The following SGCD variants were observed in gnomAD, a reference collection of about 807,000 sequenced individuals.
SGCD encodes the protein delta-sarcoglycan.
Under a neutral mutation model 36.6 loss-of-function variants are expected in SGCD, and 18 were observed. That is an observed-to-expected ratio of 0.49 (90% CI 0.34 to 0.73). The LOEUF (loss-of-function observed/expected upper bound fraction) is 0.73. Among genes scored for constraint, SGCD ranks in the 30% least tolerant of loss-of-function variants. The pLI is 0.01. For synonymous variants in SGCD, 133 were observed against 130.6 expected (o/e 1.02, Z -0.12); for missense variants, 387 against 346.7 (o/e 1.12, Z -0.92).
At chr5:155,951,611 A>G (rs1233286203) in intron 1 of SGCD, among the ~76,000 whole-genome samples, 1 of 152,096 alleles carries the variant, frequency 6.6e-6, no homozygotes, top group Non-Finnish European at 1.5e-5. Flanking sequence ...TCAAGATGTA[A>G]ATTTATAATA....
intron 3 of SGCD, among the ~76,000 whole-genome samples, chr5:156,504,926 A>C (rs1333626660): frequency 1.3e-5 from 2 of 152,234 alleles, no homozygotes; most frequent in African/African-American, 4.8e-5. Flanking sequence ...TAATCGTATC[A>C]TGCATGTAAT....
chr5:156,321,686 A>C (rs1767674405), intron 3 of SGCD, among the ~76,000 whole-genome samples: 1 of 152,182 alleles, frequency 6.6e-6, no homozygotes, highest in Non-Finnish European at 1.5e-5. Context: ...ATGGATGAGC[A>C]TGTGGCTCAA....
At chr5:155,907,943 G>A (rs922730550) in intron 1 of SGCD, among the ~76,000 whole-genome samples, 4 of 152,052 alleles carry the variant, frequency 2.6e-5, no homozygotes, top group African/African-American at 9.7e-5. Flanking sequence ...AGTCAACCAA[G>A]GCTGCCAACT....
Position 156,148,371 on chromosome 5 carries a change from A to C in SGCD, c.-44+24352A>C, listed in dbSNP as rs149592487. 3.6e-3 allele frequency among the ~76,000 whole-genome samples: 546 copies of C among 152,158 alleles called. 2 individuals carry two copies. Among genetic ancestry groups the C allele is most frequent in the African/African-American group, 0.013 (526 of 41,538 alleles). The stretch of plus-strand genomic sequence containing the variant: ...GCCTGTCCAGCCTCATGAGTCTAAA[A>C]ATTTCTCTCCAAGAGAAAAAGTTGA... On this transcript the variant is annotated intron_variant, in intron 3 of 9. Coordinates refer to the SGCD transcript ENST00000517913.
At position 156,284,563 on chromosome 5, in the gene SGCD, G is replaced by A. The variant is rs1030006690; in HGVS notation, c.-43-44971G>A. The stretch of plus-strand genomic sequence containing the variant: ...AATCCAGCATATAAACAGAACCAAC[G>A]ACAAAAACCATATCATTATCTCAAT... On this transcript the variant is annotated intron_variant, in intron 3 of 9. Coordinates refer to the SGCD transcript ENST00000517913. 9.2e-5 allele frequency among the ~76,000 whole-genome samples: 14 copies of A among 151,978 alleles called. No homozygotes were observed. The East Asian group carries it at 1.9e-3, about 21-fold the overall frequency.
rs573955805 is a variant in SGCD, at chr5:156,364,697, T to G, written c.192+20020T>G. 2.0e-4 allele frequency among the ~76,000 whole-genome samples: 31 copies of G among 152,298 alleles called. 1 individual carries two copies. In the East Asian group the frequency reaches 5.8e-3, roughly 28 times the overall value. On this transcript the variant is annotated intron_variant, in intron 3 of 8. Transcript: ENST00000337851. Reference sequence around the variant, plus strand: ...TGGGATTTTTGCTCATTTCAGAGGATAAGAAATGAGGACTGGCTATTGTTA... The same window carrying G: ...TGGGATTTTTGCTCATTTCAGAGGAGAAGAAATGAGGACTGGCTATTGTTA...
chr5:156,272,506 A>G lies in SGCD; in HGVS notation c.-43-57028A>G, dbSNP rs901744930. Among the ~76,000 whole-genome samples, 21 of 152,300 alleles carry G rather than the reference A, an allele frequency of 1.4e-4. No homozygotes were observed. The South Asian group carries it at 3.7e-3, about 27-fold the overall frequency. On this transcript the variant is annotated intron_variant, in intron 3 of 9. Coordinates refer to the SGCD transcript ENST00000517913. Reference sequence around the variant, plus strand: ...ATGTGTGTGCATATGTCTTTTTCATATAATGACTTCTCTTATAATTTTCCA... The same window carrying G: ...ATGTGTGTGCATATGTCTTTTTCATGTAATGACTTCTCTTATAATTTTCCA...
At chr5:155,820,122 T>C in the SGCD span, among the ~76,000 whole-genome samples, 1 of 152,126 alleles carries the variant, frequency 6.6e-6, no homozygotes, top group South Asian at 2.1e-4. Flanking sequence ...AGTCCTTGGG[T>C]CATGTTGAGG....
chr5:156,158,757 C>T (rs1229706157), intron 3 of SGCD, among the ~76,000 whole-genome samples: 1 of 151,442 alleles, frequency 6.6e-6, no homozygotes, highest in Admixed American at 6.6e-5. Context: ...ATTTAGCAGG[C>T]ACTTAGAATT....
chr5:156,123,345 G>A (rs1434711555), intron 2 of SGCD, among the ~76,000 whole-genome samples: 2 of 152,112 alleles, frequency 1.3e-5, no homozygotes, highest in East Asian at 1.9e-4. Flanking sequence ...TTGGGAGGTT[G>A]AAAAGATGCA....
At chr5:155,925,494 C>T (rs1395758356) in intron 1 of SGCD, among the ~76,000 whole-genome samples, 1 of 152,216 alleles carries the variant, frequency 6.6e-6, no homozygotes, top group Non-Finnish European at 1.5e-5. Context: ...CTTGGCACTC[C>T]TTGGCTTGTG....
intron 1 of SGCD, among the ~76,000 whole-genome samples, chr5:156,018,373 C>A (rs943583424): frequency 6.6e-6 from 1 of 151,886 alleles, no homozygotes; most frequent in Non-Finnish European, 1.5e-5. Flanking sequence ...CCACTATGAA[C>A]ATGTATATAT....
At chr5:156,432,011 C>T (rs1018536727) in intron 3 of SGCD, among the ~76,000 whole-genome samples, 22 of 152,180 alleles carry the variant, frequency 1.4e-4, no homozygotes, top group Middle Eastern at 3.4e-3. Flanking sequence ...CCACCGCACC[C>T]AGCCAGACTG....
chr5:155,883,845 T>C (rs1755943874), intron 1 of SGCD, among the ~76,000 whole-genome samples: 2 of 137,030 alleles, frequency 1.5e-5, no homozygotes, highest in Admixed American at 7.1e-5. Flanking sequence ...GAAAATAATA[T>C]GAAATGCAAT....
chr5:156,423,079 T>C (rs1304413319), intron 3 of SGCD, among the ~76,000 whole-genome samples: 1 of 140,568 alleles, frequency 7.1e-6, no homozygotes, highest in Non-Finnish European at 1.5e-5. Context: ...GCATATAAGC[T>C]CCATTTCACG....
the SGCD span, among the ~76,000 whole-genome samples, chr5:155,825,741 T>G: frequency 1.6e-4 from 19 of 116,260 alleles, no homozygotes; most frequent in Non-Finnish European, 3.1e-4. Flanking sequence ...TTTTTTTTTT[T>G]GTTGTTGTTG....
chr5:155,843,632 C>T, the SGCD span, among the ~76,000 whole-genome samples: 1 of 152,334 alleles, frequency 6.6e-6, no homozygotes, highest in Admixed American at 6.5e-5. Flanking sequence ...ATATGATCTT[C>T]TCATTCTGCC....
Position 156,332,365 on chromosome 5 carries a change from A to G in SGCD, c.3+2786A>G, listed in dbSNP as rs144354818. Among the ~76,000 whole-genome samples the G allele has an allele frequency of 1.2e-3, 181 of 152,284 alleles. No individual in the cohort carries two copies. The East Asian group carries it at 0.024, about 20-fold the overall frequency. On this transcript the variant is annotated intron_variant, in intron 2 of 8. Transcript: ENST00000337851. ...AAAAAGCTGAAGATGGGCATTCCCT[A>G]TGTAATTTCTTGGGCACAGTGGCTG...
At chr5:156,031,765 T>C (rs1041818002) in intron 1 of SGCD, among the ~76,000 whole-genome samples, 2 of 152,046 alleles carry the variant, frequency 1.3e-5, no homozygotes, top group Non-Finnish European at 2.9e-5. Flanking sequence ...GTTTGCTTTA[T>C]AGTGGGGGAG....
Sources: allele counts gnomAD v4.1 joint callset (sites outside exome capture counted in the v4.1 genomes callset), GRCh38; gene constraint gnomAD v4.1.1; transcripts MANE v1.5; gene names NCBI Gene and HGNC (gene_info 2026-07-23, HGNC 2026-07-21).